The following PRDM14 variants were observed in gnomAD, a reference collection of about 807,000 sequenced individuals.
The protein encoded by PRDM14 is PR/SET domain 14.
A neutral mutation model predicts 48.0 loss-of-function variants in PRDM14; 16 were observed. The observed-to-expected ratio is 0.33, with a 90% CI of 0.23 to 0.51. PRDM14 has a LOEUF of 0.51. Among genes scored for constraint, PRDM14 ranks in the 20% least tolerant of loss-of-function variants. The pLI is 0.97. For missense variants in PRDM14, 566 were observed against 719.6 expected, an observed-to-expected ratio of 0.79 and a Z score of 2.44; for synonymous variants, 264 against 276.6, an observed-to-expected ratio of 0.95 and a Z score of 0.45.
chr8:70,056,742 G>A (rs1344258353), intron 6 of PRDM14, among the ~76,000 whole-genome samples: 4 of 147,240 alleles, frequency 2.7e-5, no homozygotes, highest in South Asian at 4.4e-4. Context: ...TTGTTTGAGC[G>A]TAGGAGGTGG....
chr8:70,071,025 TC>T lies in PRDM14; in HGVS notation c.-25+124del, dbSNP rs1316769239. The stretch of plus-strand genomic sequence containing the variant: ...ACCTCAGGGATCTGCAACTTGGGAT[TC>T]AAAGCCCCCGAGAGGGCAGAACGAC... On this transcript the variant is annotated intron_variant, in intron 1 of 7. Transcript: ENST00000276594. This position sits in a 1 kb window ranked among gnomAD's most constrained non-coding sequence, Gnocchi z 5.2. 1.3e-5 allele frequency: 2 copies of T among 152,116 alleles called. No individual in the cohort carries two copies. Among genetic ancestry groups the T allele is most frequent in the Non-Finnish European group, 2.9e-5 (2 of 68,104 alleles). 9.4% of individuals were successfully genotyped at this position (152,116 alleles called of 1,614,324 possible).
chr8:70,052,247 G>A lies in PRDM14; in HGVS notation c.1546C>T (p.Pro516Ser). 1 of 1,614,204 alleles carries A rather than the reference G, an allele frequency of 6.2e-7. No homozygotes were observed. Among genetic ancestry groups the A allele is most frequent in the Non-Finnish European group, 8.5e-7 (1 of 1,180,050 alleles). The change falls in exon 8 of 8, where the codon CCC (proline) becomes TCC (serine). Residue 516 changes from proline to serine, a missense_variant. By Grantham distance (74) the Pro-to-Ser change is moderately conservative. Coordinates refer to ENST00000276594, the MANE Select transcript of PRDM14 (RefSeq NM_024504.4). ...THIRQHSGEK[P>S]FKCKYCGKSF... ...TTACCACAGTACTTGCATTTGAAGG[G>A]CTTCTCCCCGGAGTGCTGCCTGATG...
In PRDM14 at chr8:70,069,497, C is replaced by T; in HGVS notation, c.364G>A (p.Ala122Thr). ...CCCAGATCTTCACTGCTGGCACCCG[C>T]GTACTCGTGGCTGCTGCTCAGGAAG... ...PPFLSSSHEY[A>T]GASSEDLGHQ... Residue 122 changes from alanine to threonine, a missense_variant, in exon 2 of 8, where the codon GCG becomes ACG. By Grantham distance (58) the Ala-to-Thr change is moderately conservative (BLOSUM62 0). Transcript: ENST00000276594. The T allele has an allele frequency of 6.3e-7, 1 of 1,590,672 alleles. No individual in the cohort carries two copies. The highest frequency in any genetic ancestry group is 1.7e-4 in the Middle Eastern group (1 of 5,922).
At chr8:70,061,081 T>C (rs974976420) in intron 5 of PRDM14, among the ~76,000 whole-genome samples, 3 of 152,222 alleles carry the variant, frequency 2.0e-5, no homozygotes, top group African/African-American at 7.2e-5. Flanking sequence ...GAGGTAAATC[T>C]GTTTTTATCA....
At chr8:70,064,741 G>A (rs1426843102) in intron 5 of PRDM14, among the ~76,000 whole-genome samples, 1 of 151,876 alleles carries the variant, frequency 6.6e-6, no homozygotes, top group Non-Finnish European at 1.5e-5. Flanking sequence ...TAGCCAGGAT[G>A]GCTATGATCT....
At position 70,068,476 on chromosome 8, in the gene PRDM14, T is replaced by C. The variant is rs1805707434; in HGVS notation, c.754+3A>G. On this transcript the variant is annotated splice_donor_region_variant and intron_variant, in intron 3 of 7. Transcript: ENST00000276594. ...AGAAATCCATGCAAGGAGTCCTGCC[T>C]ACCTTCTGGAAGTTGAAGGGAGTCT... The C allele has an allele frequency of 1.9e-6, 3 of 1,614,072 alleles. No homozygotes were observed. The highest frequency in any genetic ancestry group is 1.3e-5 in the African/African-American group (1 of 75,052).
intron 3 of PRDM14, 23 bp from the exon 4 acceptor site, chr8:70,068,410 A>G: frequency 6.2e-7 from 1 of 1,614,198 alleles, no homozygotes; most frequent in Non-Finnish European, 8.5e-7. Context: ...CGAGGCAGGA[A>G]AAGAGAATGA....
At chr8:70,055,468 G>A (rs879064265) in intron 6 of PRDM14, 67 bp from the exon 7 acceptor site, 16 of 885,842 alleles carry the variant, frequency 1.8e-5, no homozygotes, top group East Asian at 5.0e-5. Flanking sequence ...TCAACCTTGC[G>A]TTTACCTGGG....
At chr8:70,058,919 A>G in intron 5 of PRDM14, 77 bp from the exon 6 acceptor site, 1 of 1,226,206 alleles carries the variant, frequency 8.2e-7, no homozygotes, top group Non-Finnish European at 1.1e-6. Context: ...TTATTTATTT[A>G]TTTATTTTTA....
At chr8:70,066,949 C>T (rs1276493685) in intron 4 of PRDM14, among the ~76,000 whole-genome samples, 1 of 152,124 alleles carries the variant, frequency 6.6e-6, no homozygotes, top group African/African-American at 2.4e-5. Context: ...AGGCTGGCCT[C>T]AAACTCCTGG....
intron 1 of PRDM14, among the ~76,000 whole-genome samples, chr8:70,070,641 C>T (rs887496435): frequency 6.6e-6 from 1 of 152,214 alleles, no homozygotes; most frequent in Non-Finnish European, 1.5e-5. Flanking sequence ...CCGGGTTCCT[C>T]GGAAACTCCA....
chr8:70,058,014 G>A (rs879082762), intron 6 of PRDM14, among the ~76,000 whole-genome samples: 2 of 152,108 alleles, frequency 1.3e-5, no homozygotes, highest in Admixed American at 6.5e-5. Flanking sequence ...CCCAAGCCTC[G>A]TCCTCCTTTT....
intron 6 of PRDM14, among the ~76,000 whole-genome samples, chr8:70,055,609 G>A (rs1195819719): frequency 6.6e-6 from 1 of 151,394 alleles, no homozygotes; most frequent in African/African-American, 2.4e-5. Flanking sequence ...AGGCTCAAGC[G>A]ATCCTCCCAC....
chr8:70,069,697 T>A lies in PRDM14; in HGVS notation c.164A>T (p.Gln55Leu), dbSNP rs377154090. The A allele has an allele frequency of 5.8e-6, 9 of 1,559,360 alleles. No individual in the cohort carries two copies. Among genetic ancestry groups the A allele is most frequent in the Non-Finnish European group, 7.8e-6 (9 of 1,151,930 alleles). The part of the protein sequence containing the change: ...TVEEDFQPFR[Q>L]LEAAASAAPA... ...GGCAGCAGACGCTGCGGCCTCCAGC[T>A]GCCGGAAAGGTTGGAAGTCTTCCTC... The change falls in exon 2 of 8, where the codon CAG (glutamine) becomes CTG (leucine). Residue 55 changes from glutamine (Q) to leucine (L), a missense_variant. Physicochemically the swap from Gln to Leu is moderately radical, Grantham distance 113 (BLOSUM62 -2). Transcript: ENST00000276594.
intron 1 of PRDM14, among the ~76,000 whole-genome samples, chr8:70,070,558 G>A (rs1040350595): frequency 2.6e-5 from 4 of 152,214 alleles, no homozygotes; most frequent in African/African-American, 7.2e-5. Context: ...GGGGAGGGGC[G>A]CGCCACTTTT....
intron 6 of PRDM14, among the ~76,000 whole-genome samples, chr8:70,057,733 T>A (rs1241307717): frequency 6.6e-6 from 1 of 152,218 alleles, no homozygotes; most frequent in Admixed American, 6.5e-5. Flanking sequence ...GCCAGTCTAA[T>A]AAGCGAGAAA....
At chr8:70,070,595 C>T (rs1805750184) in intron 1 of PRDM14, among the ~76,000 whole-genome samples, 1 of 152,210 alleles carries the variant, frequency 6.6e-6, no homozygotes, top group Non-Finnish European at 1.5e-5. Flanking sequence ...GCCGCCTGAA[C>T]CTCTTTTCCC....
In PRDM14 at chr8:70,068,356, T is replaced by G; in HGVS notation, c.786A>C (p.Glu262Asp). 1 of 1,614,228 alleles carries G rather than the reference T, an allele frequency of 6.2e-7. No homozygotes were observed. The highest frequency in any genetic ancestry group is 8.5e-7 in the Non-Finnish European group (1 of 1,180,046). ...TGCAGAACACACCAAAATGTGGGAC[T>G]TCACCAAACACCGTCTGCATGAGGC... is the stretch of plus-strand genomic sequence containing the variant. ...GLCLMQTVFG[E>D]VPHFGVFCSS... The change falls in exon 4 of 8, where the codon GAA (glutamate) becomes GAC (aspartate). Residue 262 changes from glutamate to aspartate, a missense_variant. Glu to Asp is a conservative substitution (Grantham distance 45). Transcript: ENST00000276594.
At chr8:70,053,392 GT>G (rs2131033729) in intron 7 of PRDM14, among the ~76,000 whole-genome samples, 1 of 151,702 alleles carries the variant, frequency 6.6e-6, no homozygotes, top group East Asian at 1.9e-4. Context: ...TTATTTGTTT[GT>G]TTGTTTGTTT....
Sources: gnomAD v4.1 joint callset for allele counts (sites outside exome capture counted in the v4.1 genomes callset) on GRCh38, gnomAD v4.1.1 for gene constraint, Gnocchi (gnomAD v3.1) non-coding constraint, MANE v1.5 for transcripts, NCBI Gene and HGNC (gene_info 2026-07-23, HGNC 2026-07-21) for gene names.